MSRB3: variants seen among roughly 807,000 people sequenced by gnomAD.
MSRB3 encodes methionine sulfoxide reductase B3, also known as methionine-R-sulfoxide reductase B3.
MSRB3 carries 13 observed loss-of-function variants against 21.0 expected under a neutral mutation model. The ratio of observed to expected loss-of-function variants is 0.62; its 90% CI spans 0.40 to 0.98. The LOEUF is 0.98. Among genes scored for constraint, MSRB3 ranks in the 50% least tolerant of loss-of-function variants. The probability of loss-of-function intolerance (pLI) is 0.00; values close to 1 mark genes in which losing one functional copy is unlikely to be tolerated. For synonymous variants in MSRB3, 87 were observed against 88.6 expected (o/e 0.98, Z 0.10); for missense variants, 199 against 230.3 (o/e 0.86, Z 0.88).
At chr12:65,396,287 C>T (rs577405098) in intron 5 of MSRB3, among the ~76,000 whole-genome samples, 8 of 152,190 alleles carry the variant, frequency 5.3e-5, no homozygotes, top group Non-Finnish European at 8.8e-5. Context: ...GTTGTTTAAT[C>T]TCCAAGCATT....
chr12:65,340,086 G>A (rs1196106094), intron 4 of MSRB3, among the ~76,000 whole-genome samples: 1 of 152,098 alleles, frequency 6.6e-6, no homozygotes, highest in Non-Finnish European at 1.5e-5. Flanking sequence ...ATTTAAGTTA[G>A]GCTTTAAAAT....
At position 65,353,519 on chromosome 12, in the gene MSRB3, T is replaced by G. The variant is rs557212653; in HGVS notation, c.264-15479T>G. ...CCTTTTGATATTTGTTGGTTTAAAG[T>G]CTGTTTTATCAGAGACTAGGATTGC... On this transcript the variant is annotated intron_variant, in intron 4 of 6. Coordinates refer to ENST00000308259, the MANE Select transcript of MSRB3 (RefSeq NM_001031679.3). Among the ~76,000 whole-genome samples, 17 of 152,298 alleles carry G rather than the reference T, an allele frequency of 1.1e-4. 2 individuals carry two copies. The South Asian group carries it at 3.5e-3, about 32-fold the overall frequency.
At chr12:65,455,131 C>G (rs999802940) in intron 6 of MSRB3, among the ~76,000 whole-genome samples, 1 of 151,646 alleles carries the variant, frequency 6.6e-6, no homozygotes, top group Non-Finnish European at 1.5e-5. Flanking sequence ...ATCCATTTTT[C>G]TTTAACCCCC....
chr12:65,402,960 T>G (rs1248527660), intron 5 of MSRB3, among the ~76,000 whole-genome samples: 1 of 152,214 alleles, frequency 6.6e-6, no homozygotes, highest in Non-Finnish European at 1.5e-5. Flanking sequence ...GATTGCTGCC[T>G]GTTCGTTCCT....
At chr12:65,445,812 A>T (rs958762405) in intron 5 of MSRB3, among the ~76,000 whole-genome samples, 2 of 151,772 alleles carry the variant, frequency 1.3e-5, no homozygotes, top group African/African-American at 4.8e-5. Context: ...TGCCCGGCTA[A>T]TTTCTGTATT....
intron 5 of MSRB3, among the ~76,000 whole-genome samples, chr12:65,392,399 A>G (rs1879529808): frequency 6.6e-6 from 1 of 152,184 alleles, no homozygotes; most frequent in Non-Finnish European, 1.5e-5. Context: ...TTGCTTGAAT[A>G]AAAGAGTGAA....
intron 1 of MSRB3, among the ~76,000 whole-genome samples, chr12:65,294,478 T>C (rs1324487452): frequency 6.6e-6 from 1 of 152,254 alleles, no homozygotes; most frequent in African/African-American, 2.4e-5. Context: ...CCCCTATTTT[T>C]ATACTTATCA....
intron 4 of MSRB3, among the ~76,000 whole-genome samples, chr12:65,366,957 A>C (rs903087692): frequency 2.0e-5 from 3 of 152,064 alleles, no homozygotes; most frequent in Non-Finnish European, 4.4e-5. Flanking sequence ...GCTCACCAAT[A>C]CTTAAGGGAC....
Position 65,330,089 on chromosome 12 carries a change from C to T in MSRB3, c.263+1486C>T, listed in dbSNP as rs567578028. Among the ~76,000 whole-genome samples the T allele has an allele frequency of 9.2e-5, 14 of 152,274 alleles. No individual in the cohort carries two copies. In the East Asian group the frequency reaches 2.3e-3, roughly 25 times the overall value. Reference sequence around the variant, plus strand: ...TAATATCCCAAATGGTAAAAATTGGCCACATCCCCTTTACTTTTTGATTCA... The same window carrying T: ...TAATATCCCAAATGGTAAAAATTGGTCACATCCCCTTTACTTTTTGATTCA... On this transcript the variant is annotated intron_variant, in intron 4 of 6. Transcript: ENST00000308259.
intron 2 of MSRB3, among the ~76,000 whole-genome samples, 200 bp from the exon 3 acceptor site, chr12:65,326,626 A>C (rs1565834719): frequency 6.6e-6 from 1 of 152,214 alleles, no homozygotes; most frequent in Non-Finnish European, 1.5e-5. Context: ...CTCCAGTGGA[A>C]TCATCTGAAT....
At chr12:65,444,034 G>A (rs1299092630) in intron 5 of MSRB3, among the ~76,000 whole-genome samples, 2 of 152,076 alleles carry the variant, frequency 1.3e-5, no homozygotes, top group African/African-American at 2.4e-5. Flanking sequence ...ATTTCCATGA[G>A]CTTGGTGTTG....
intron 5 of MSRB3, among the ~76,000 whole-genome samples, chr12:65,385,591 A>G (rs1879160270): frequency 6.6e-6 from 1 of 151,992 alleles, no homozygotes; most frequent in African/African-American, 2.4e-5. Flanking sequence ...CTCCCACAAA[A>G]TTAAATAAAA....
In MSRB3 at chr12:65,278,824, T is replaced by C. The variant is rs1346209898; in HGVS notation, c.-93T>C. The C allele has an allele frequency of 9.6e-6, 15 of 1,568,722 alleles. No individual in the cohort carries two copies. Among genetic ancestry groups the C allele is most frequent in the Non-Finnish European group, 1.3e-5 (15 of 1,156,956 alleles). On this transcript the variant is annotated 5_prime_UTR_variant, in exon 1 of 7. Coordinates refer to ENST00000308259, the MANE Select transcript of MSRB3 (RefSeq NM_001031679.3). ...CTCTCGCTCTGCCTCTCCCTCTGCC[T>C]CTGCCTCTGCCTGGCCGCGGCTCTG... is the stretch of plus-strand genomic sequence containing the variant.
At position 65,278,843 on chromosome 12, in the gene MSRB3, G is replaced by A. The variant is rs1186522682; in HGVS notation, c.-74G>A. On this transcript the variant is annotated 5_prime_UTR_variant, in exon 1 of 7. Coordinates refer to ENST00000308259, the MANE Select transcript of MSRB3 (RefSeq NM_001031679.3). ...TCTGCCTCTGCCTCTGCCTGGCCGC[G>A]GCTCTGGGAAGTGCGCAGTCCGGTA... 15 of 1,564,034 alleles carry A rather than the reference G, an allele frequency of 9.6e-6. No homozygotes were observed. Among genetic ancestry groups the A allele is most frequent in the Middle Eastern group, 1.7e-4 (1 of 6,022 alleles).
At chr12:65,416,735 C>T (rs145623996) in intron 5 of MSRB3, among the ~76,000 whole-genome samples, 6 of 152,280 alleles carry the variant, frequency 3.9e-5, no homozygotes, top group South Asian at 4.2e-4. Flanking sequence ...TATAATATTA[C>T]GGTACCACCA....
chr12:65,311,644 G>A (rs1329347506), intron 2 of MSRB3, among the ~76,000 whole-genome samples: 1 of 152,084 alleles, frequency 6.6e-6, no homozygotes, highest in East Asian at 1.9e-4. Flanking sequence ...TACAGGAAGT[G>A]AAGGTGAAAG....
chr12:65,315,804 A>G (rs749227101), intron 2 of MSRB3, among the ~76,000 whole-genome samples: 6 of 152,168 alleles, frequency 3.9e-5, no homozygotes, highest in South Asian at 2.1e-4. Flanking sequence ...TTTCAGTACT[A>G]GATGTATTTA....
intron 4 of MSRB3, among the ~76,000 whole-genome samples, chr12:65,354,407 G>A (rs1877250397): frequency 6.6e-6 from 1 of 151,870 alleles, no homozygotes; most frequent in Admixed American, 6.6e-5. Context: ...TTATTTCTTG[G>A]AGGCTTTGTT....
At chr12:65,314,174 C>T (rs1396367930) in intron 2 of MSRB3, among the ~76,000 whole-genome samples, 3 of 151,996 alleles carry the variant, frequency 2.0e-5, no homozygotes, top group African/African-American at 7.2e-5. Flanking sequence ...TAAACTGAAA[C>T]AAGTTTTCAT....
Sources: gnomAD v4.1 joint callset for allele counts (sites outside exome capture counted in the v4.1 genomes callset) on GRCh38, gnomAD v4.1.1 for gene constraint, MANE v1.5 for transcripts, NCBI Gene and HGNC (gene_info 2026-07-23, HGNC 2026-07-21) for gene names.